Variants in RYR2 observed in about 807,000 individuals in gnomAD.
RYR2 encodes ryanodine receptor 2.
Under a neutral mutation model 601.1 loss-of-function variants are expected in RYR2, and 227 were observed. The observed-to-expected ratio is 0.38, with a 90% confidence interval of 0.34 to 0.42. RYR2 has a LOEUF of 0.42. Ranked by LOEUF, RYR2 falls within the 10% of genes least tolerant of loss-of-function variation. RYR2 has a pLI of 1.00. For missense variants in RYR2, 4,646 were observed against 6,156.5 expected, an observed-to-expected ratio of 0.75 and a Z score of 8.21; for synonymous variants, 2,223 against 2,175.1, an observed-to-expected ratio of 1.02 and a Z score of -0.61.
intron 1 of RYR2, among the ~76,000 whole-genome samples, chr1:237,169,053 T>C (rs1677037909): frequency 6.6e-6 from 1 of 152,192 alleles, no homozygotes; most frequent in Non-Finnish European, 1.5e-5. Context: ...GAATAGGAAA[T>C]TTAAATACCT....
intron 35 of RYR2, among the ~76,000 whole-genome samples, chr1:237,608,422 GC>G (rs1677395035): frequency 6.6e-6 from 1 of 152,178 alleles, no homozygotes; most frequent in Non-Finnish European, 1.5e-5. Flanking sequence ...TGGGAGAGGG[GC>G]TGGTCTCAGT....
intron 14 of RYR2, among the ~76,000 whole-genome samples, chr1:237,452,130 T>A (rs980128493): frequency 6.7e-6 from 1 of 149,200 alleles, no homozygotes. Context: ...CTTCTAATAG[T>A]AATACTCATG....
intron 11 of RYR2, among the ~76,000 whole-genome samples, chr1:237,422,564 AT>A (rs1425487474): frequency 6.6e-6 from 1 of 152,118 alleles, no homozygotes; most frequent in Non-Finnish European, 1.5e-5. Flanking sequence ...ATAAGAATAC[AT>A]TTCTTTTGTC....
intron 1 of RYR2, among the ~76,000 whole-genome samples, chr1:237,061,079 C>G (rs74146698): frequency 6.6e-6 from 1 of 152,132 alleles, no homozygotes; most frequent in Non-Finnish European, 1.5e-5. Context: ...TTCATTGTGA[C>G]TTTAATTTTG....
intron 1 of RYR2, among the ~76,000 whole-genome samples, chr1:237,253,701 T>G (rs1425372725): frequency 3.9e-5 from 6 of 152,188 alleles, no homozygotes; most frequent in African/African-American, 9.7e-5. Context: ...AGGAATAGTT[T>G]ATTGCTCAGG....
chr1:237,708,796 A>G, intron 68 of RYR2, 62 bp from the exon 69 acceptor site: 4 of 1,418,698 alleles, frequency 2.8e-6, no homozygotes, highest in Non-Finnish European at 3.9e-6. Context: ...TGTAATTACA[A>G]TCTATCATCA....
intron 99 of RYR2, 81 bp downstream of exon 99, chr1:237,806,364 A>C: frequency 7.5e-7 from 1 of 1,330,050 alleles, no homozygotes. Flanking sequence ...CTACCCCTCA[A>C]ATGACAATGT....
chr1:237,601,809 C>T (rs1676533622), intron 34 of RYR2, among the ~76,000 whole-genome samples: 1 of 152,066 alleles, frequency 6.6e-6, no homozygotes, highest in Non-Finnish European at 1.5e-5. Flanking sequence ...AATGACAATG[C>T]CTTAAGCCCT....
Position 237,542,062 on chromosome 1 carries a change from ATTTATTTATTTATTTATTTATTTATT to A in RYR2, c.2907-6367_2907-6342del, listed in dbSNP as rs1558996776. On this transcript the variant is annotated intron_variant, in intron 25 of 104. Transcript: ENST00000366574. Reference sequence around the variant, plus strand: ...TATAAAGGTATACATTTTTGTCTTTATTTATTTATTTATTTATTTATTTATTTATTTATTTATTTATTTATTTTGAG... The same window carrying A: ...TATAAAGGTATACATTTTTGTCTTTATATTTATTTATTTATTTATTTTGAG... Among the ~76,000 whole-genome samples, 657 of 122,142 alleles carry A rather than the reference ATTTATTTATTTATTTATTTATTTATT, an allele frequency of 5.4e-3. 6 individuals carry two copies. The highest frequency in any genetic ancestry group is 0.023 in the African/African-American group (606 of 25,856). 80.1% of individuals were successfully genotyped at this position (122,142 alleles called of 152,430 possible).
chr1:237,336,518 T>G (rs893170775), intron 3 of RYR2, among the ~76,000 whole-genome samples: 4 of 152,224 alleles, frequency 2.6e-5, no homozygotes, highest in African/African-American at 9.6e-5. Flanking sequence ...CTCAGACATG[T>G]CCAGCTTTTA....
Position 237,617,475 on chromosome 1 carries a change from C to G in RYR2, c.5905C>G (p.Pro1969Ala), listed in dbSNP as rs1678601945. The G allele has an allele frequency of 6.2e-7, 1 of 1,613,412 alleles. No individual in the cohort carries two copies. Among genetic ancestry groups the G allele is most frequent in the Non-Finnish European group, 8.5e-7 (1 of 1,179,594 alleles). ...GAAGACAAAGGAATTTAGATCACCA[C>G]CTCAAGAACAGGTACAGAAATGAAA... is the stretch of plus-strand genomic sequence containing the variant. ...ARKTKEFRSP[P>A]QEQINMLLNF... The change falls in exon 38 of 105, where the codon CCT becomes GCT. Residue 1969 changes from proline (P) to alanine (A), a missense_variant. Coordinates refer to ENST00000366574, the MANE Select transcript of RYR2 (RefSeq NM_001035.3).
chr1:237,201,241 G>A (rs982856457), intron 1 of RYR2, among the ~76,000 whole-genome samples: 1 of 152,160 alleles, frequency 6.6e-6, no homozygotes, highest in Admixed American at 6.5e-5. Flanking sequence ...CCTGATACCT[G>A]TTAACTTCTA....
chr1:237,582,815 T>C (rs1674072938), intron 29 of RYR2, among the ~76,000 whole-genome samples: 1 of 152,122 alleles, frequency 6.6e-6, no homozygotes. Flanking sequence ...CAGTTCACTG[T>C]TGATGGGCAC....
At chr1:237,382,914 G>GTTTT (rs10676878) in intron 8 of RYR2, among the ~76,000 whole-genome samples, 129 of 139,164 alleles carry the variant, frequency 9.3e-4, no homozygotes, top group Middle Eastern at 3.8e-3. Context: ...ATTTGTTTTT[G>GTTTT]TTTTTTTTTT....
rs1701398884 is a variant in RYR2 at position 237,380,405 on chromosome 1, TA to T, written c.576+2971del. Among the ~76,000 whole-genome samples, 13 of 34,968 alleles carry T rather than the reference TA, an allele frequency of 3.7e-4. 1 individual carries two copies. Among genetic ancestry groups the T allele is most frequent in the African/African-American group, 1.3e-3 (13 of 9,672 alleles). The allele number at this position is 34,968 out of a possible 152,430, so 22.9% of individuals were successfully genotyped here. On this transcript the variant is annotated intron_variant, in intron 8 of 104. Transcript: ENST00000366574. ...ATATATATATATATATATATATATA[TA>T]TATATATATATATATAGTAAATACG...
intron 48 of RYR2, among the ~76,000 whole-genome samples, chr1:237,644,243 T>C (rs1200456598): frequency 6.6e-6 from 1 of 151,770 alleles, no homozygotes; most frequent in African/African-American, 2.4e-5. Flanking sequence ...TGGTTTTTTG[T>C]TTTTTTTGAG....
At chr1:237,766,212 G>A (rs1410730511) in intron 84 of RYR2, among the ~76,000 whole-genome samples, 7 of 152,076 alleles carry the variant, frequency 4.6e-5, no homozygotes, top group Non-Finnish European at 1.0e-4. Context: ...TTTATCTGAG[G>A]CCACAGAGAG....
At chr1:237,289,717 A>C (rs537035482) in intron 2 of RYR2, among the ~76,000 whole-genome samples, 1 of 152,338 alleles carries the variant, frequency 6.6e-6, no homozygotes, top group Admixed American at 6.5e-5. Context: ...ACCATATCAT[A>C]CTTTATATAA....
In RYR2 at chr1:237,267,330, G is replaced by A. The variant is rs556850483; in HGVS notation, c.49-3167G>A. On this transcript the variant is annotated intron_variant, in intron 1 of 104. Transcript: ENST00000366574. ...GCTCAGGAGTTCGAGACTAGCCTGG[G>A]CAACATAGTGAGACCCTGTCTCTAC... Among the ~76,000 whole-genome samples, 10 of 152,218 alleles carry A rather than the reference G, an allele frequency of 6.6e-5. No homozygotes were observed. In the South Asian group the frequency reaches 1.9e-3, roughly 28 times the overall value.
Sources: gnomAD v4.1 joint callset for allele counts (sites outside exome capture counted in the v4.1 genomes callset) on GRCh38, gnomAD v4.1.1 for gene constraint, MANE v1.5 for transcripts, NCBI Gene and HGNC (gene_info 2026-07-23, HGNC 2026-07-21) for gene names.